PARP8: variants seen among roughly 807,000 people sequenced by gnomAD.
The protein encoded by PARP8 is protein mono-ADP-ribosyltransferase PARP8.
A neutral mutation model predicts 124.1 loss-of-function variants in PARP8; 51 were observed. The ratio of observed to expected loss-of-function variants is 0.41; its 90% CI spans 0.33 to 0.52. PARP8 has a LOEUF of 0.52. PARP8 is among the 20% of genes least tolerant of loss of function. PARP8 has a pLI of 0.21. For synonymous variants in PARP8, 391 were observed against 361.5 expected, an observed-to-expected ratio of 1.08 and a Z score of -0.93; for missense variants, 860 against 1,018.9, an observed-to-expected ratio of 0.84 and a Z score of 2.12.
In PARP8 at chr5:50,783,161, G is replaced by A. The variant is rs183249997; in HGVS notation, c.670+4511G>A. Among the ~76,000 whole-genome samples, 74 of 151,958 alleles carry A rather than the reference G, an allele frequency of 4.9e-4. No individual in the cohort carries two copies. In the East Asian group the frequency reaches 0.014, roughly 29 times the overall value. On this transcript the variant is annotated intron_variant, in intron 9 of 25. Transcript: ENST00000281631. Reference sequence around the variant, plus strand: ...GGAGAGGAGAAGGAAAGAGAGATAAGGGAATAGGAGGGAAAAGAGAGAAGA... The same window carrying A: ...GGAGAGGAGAAGGAAAGAGAGATAAAGGAATAGGAGGGAAAAGAGAGAAGA...
chr5:50,779,969 A>T (rs1193461458), intron 9 of PARP8, among the ~76,000 whole-genome samples: 1 of 152,228 alleles, frequency 6.6e-6, no homozygotes, highest in Non-Finnish European at 1.5e-5. Context: ...GAAAAAATAA[A>T]TGTTTAAAAT....
intron 2 of PARP8, among the ~76,000 whole-genome samples, chr5:50,746,494 A>G (rs1758555974): frequency 6.6e-6 from 1 of 152,184 alleles, no homozygotes; most frequent in Admixed American, 6.5e-5. Flanking sequence ...TGGGTAATAT[A>G]CATGACACTT....
chr5:50,770,668 AAAG>A (rs1347803299), intron 7 of PARP8, among the ~76,000 whole-genome samples: 6 of 151,806 alleles, frequency 4.0e-5, no homozygotes, highest in African/African-American at 1.2e-4. Flanking sequence ...GAAAGAAAGA[AAAG>A]AAAGAAATAA....
At chr5:50,796,759 G>T (rs1742596692) in intron 12 of PARP8, among the ~76,000 whole-genome samples, 1 of 152,102 alleles carries the variant, frequency 6.6e-6, no homozygotes, top group South Asian at 2.1e-4. Context: ...TAAGAGTGCT[G>T]TTCATTTACT....
chr5:50,727,678 A>G (rs1471382453), intron 2 of PARP8, among the ~76,000 whole-genome samples: 2 of 152,296 alleles, frequency 1.3e-5, no homozygotes, highest in South Asian at 2.1e-4. Context: ...ATTTGGAACT[A>G]TAAGGCTGAA....
At chr5:50,836,753 T>C (rs1458202715) in intron 25 of PARP8, among the ~76,000 whole-genome samples, 1 of 152,156 alleles carries the variant, frequency 6.6e-6, no homozygotes, top group African/African-American at 2.4e-5. Flanking sequence ...TTATTAAATA[T>C]TTTTTTCTGT....
rs180843474 is a variant in PARP8 at position 50,845,946 on chromosome 5, T to C, written c.*3878T>C. 2 of 151,922 alleles carry C rather than the reference T, an allele frequency of 1.3e-5. No individual in the cohort carries two copies. Among genetic ancestry groups the C allele is most frequent in the Non-Finnish European group, 3.0e-5 (2 of 67,790 alleles). The allele number at this position is 151,922 out of a possible 1,614,324, so 9.4% of individuals were successfully genotyped here. ...ACCCAGTAAATTCTTCTTGGGAATTTTGTATACATTATGGAATATTAGGAT... is the reference window on the plus strand; with the variant it reads ...ACCCAGTAAATTCTTCTTGGGAATTCTGTATACATTATGGAATATTAGGAT... On this transcript the variant is annotated 3_prime_UTR_variant, in exon 26 of 26. Coordinates refer to ENST00000281631, the MANE Select transcript of PARP8 (RefSeq NM_024615.4).
At chr5:50,746,916 C>T (rs1758600807) in intron 2 of PARP8, among the ~76,000 whole-genome samples, 1 of 152,050 alleles carries the variant, frequency 6.6e-6, no homozygotes, top group Non-Finnish European at 1.5e-5. Flanking sequence ...GTAGTCCAAT[C>T]TACCCAGGAG....
rs1706338291 is a variant in PARP8, at chr5:50,842,511, T to G, written c.*443T>G. 1 of 155,902 alleles carries G rather than the reference T, an allele frequency of 6.4e-6. No individual in the cohort carries two copies. Among genetic ancestry groups the G allele is most frequent in the African/African-American group, 2.4e-5 (1 of 41,420 alleles). The allele number at this position is 155,902 out of a possible 1,614,324, so 9.7% of individuals were successfully genotyped here. On this transcript the variant is annotated 3_prime_UTR_variant, in exon 26 of 26. Coordinates refer to ENST00000281631, the MANE Select transcript of PARP8 (RefSeq NM_024615.4). ...TTGCACATTCTGATGTGCTATATCA[T>G]TAGTAGTATGGGCATTCTAATGTTT... is the stretch of plus-strand genomic sequence containing the variant.
chr5:50,755,572 T>G (rs1242858190), intron 3 of PARP8, among the ~76,000 whole-genome samples: 1 of 152,208 alleles, frequency 6.6e-6, no homozygotes, highest in Non-Finnish European at 1.5e-5. Context: ...CATACTGTTT[T>G]GGTTGCTGTA....
At chr5:50,679,119 C>A (rs1199123045) in intron 2 of PARP8, among the ~76,000 whole-genome samples, 1 of 151,962 alleles carries the variant, frequency 6.6e-6, no homozygotes, top group Admixed American at 6.6e-5. Flanking sequence ...AATAAACTTG[C>A]TTTCACTTAA....
chr5:50,712,332 A>G (rs921210), intron 2 of PARP8, among the ~76,000 whole-genome samples: 3 of 152,108 alleles, frequency 2.0e-5, no homozygotes, highest in Non-Finnish European at 4.4e-5. Flanking sequence ...AAATATGTAC[A>G]GTTTTGTGGA....
chr5:50,741,122 A>G (rs1407917180), intron 2 of PARP8, among the ~76,000 whole-genome samples: 1 of 152,206 alleles, frequency 6.6e-6, no homozygotes, highest in Non-Finnish European at 1.5e-5. Context: ...AAACATCTAC[A>G]TGTTAGTGAA....
chr5:50,822,353 G>C lies in PARP8; in HGVS notation c.1813G>C (p.Val605Leu). 6.2e-7 allele frequency: 1 copy of C among 1,611,400 alleles called. No individual in the cohort carries two copies. Among genetic ancestry groups the C allele is most frequent in the Non-Finnish European group, 8.5e-7 (1 of 1,177,844 alleles). The change falls in exon 17 of 26, where the codon GTA (valine) becomes CTA (leucine). Residue 605 changes from valine to leucine, a missense_variant. By Grantham distance (32) the Val-to-Leu change is conservative. Transcript: ENST00000281631. ...TAAACAGAAAAAGAACTATGATCGAGTAATGAAAGCACTGGATAGCATAAC... is the reference window on the plus strand; with the variant it reads ...TAAACAGAAAAAGAACTATGATCGACTAATGAAAGCACTGGATAGCATAAC... Reference protein sequence around the residue: ...FNPRKKNYDRVMKALDSITSI... With the variant: ...FNPRKKNYDRLMKALDSITSI...
chr5:50,837,565 T>C (rs1483240603), intron 25 of PARP8, among the ~76,000 whole-genome samples: 3 of 152,154 alleles, frequency 2.0e-5, no homozygotes, highest in African/African-American at 4.8e-5. Context: ...TTAACATGGT[T>C]ACCTTTTTTA....
At chr5:50,826,347 A>T (rs1021794165) in intron 18 of PARP8, among the ~76,000 whole-genome samples, 35 of 152,236 alleles carry the variant, frequency 2.3e-4, no homozygotes, top group African/African-American at 7.9e-4. Flanking sequence ...AAAAATCTTC[A>T]TAAGAACTTA....
chr5:50,675,008 AGTCTT>A (rs1184267001), intron 2 of PARP8, among the ~76,000 whole-genome samples: 2 of 152,260 alleles, frequency 1.3e-5, no homozygotes, highest in Admixed American at 6.5e-5. Context: ...CAATGACAAA[AGTCTT>A]GAATGTTATT....
At chr5:50,827,583 G>A (rs1293820733) in intron 19 of PARP8, among the ~76,000 whole-genome samples, 3 of 152,116 alleles carry the variant, frequency 2.0e-5, no homozygotes, top group African/African-American at 4.8e-5. Flanking sequence ...TGAATAGCTA[G>A]TATATACTTA....
At chr5:50,717,698 A>G (rs1755463935) in intron 2 of PARP8, among the ~76,000 whole-genome samples, 1 of 152,004 alleles carries the variant, frequency 6.6e-6, no homozygotes, top group East Asian at 1.9e-4. Context: ...ATAGGCATAG[A>G]AACTGAGAGA....
Sources: allele counts gnomAD v4.1 joint callset (sites outside exome capture counted in the v4.1 genomes callset), GRCh38; gene constraint gnomAD v4.1.1; transcripts MANE v1.5; gene names NCBI Gene and HGNC (gene_info 2026-07-23, HGNC 2026-07-21).